Variants in PTPN13 observed in about 807,000 individuals in gnomAD.
PTPN13 encodes protein tyrosine phosphatase non-receptor type 13.
Under a neutral mutation model 284.0 loss-of-function variants are expected in PTPN13, and 191 were observed. That is an observed-to-expected ratio of 0.67 (90% CI 0.60 to 0.76). The LOEUF (loss-of-function observed/expected upper bound fraction) is 0.76, where lower values mean the gene tolerates loss of function less well. Ranked by LOEUF, PTPN13 falls within the 30% of genes least tolerant of loss-of-function variation. PTPN13 has a pLI of 0.00. For synonymous variants in PTPN13, 986 were observed against 1,022.3 expected (o/e 0.96, Z 0.68); for missense variants, 2,797 against 2,939.9 (o/e 0.95, Z 1.12).
intron 2 of PTPN13, among the ~76,000 whole-genome samples, chr4:86,652,590 C>T (rs1167024916): frequency 6.6e-6 from 1 of 152,176 alleles, no homozygotes; most frequent in Non-Finnish European, 1.5e-5. Context: ...TCCATTTCCT[C>T]CTGGCCTATG....
chr4:86,701,757 G>A lies in PTPN13; in HGVS notation c.1151G>A (p.Arg384Lys). ...AGTGCTTTGGACCGAATCCGAGAGA[G>A]ACAAAAGAAACTTCAGGTTCTGAGG... ...ISSALDRIRERQKKLQVLREA... is the reference protein window; with the variant it reads ...ISSALDRIREKQKKLQVLREA... The change falls in exon 7 of 48, where the codon AGA becomes AAA. Residue 384 changes from arginine (R) to lysine (K), a missense_variant. Coordinates refer to ENST00000411767, the MANE Select transcript of PTPN13 (RefSeq NM_080683.3). 1 of 1,613,366 alleles carries A rather than the reference G, an allele frequency of 6.2e-7. No homozygotes were observed. Among genetic ancestry groups the A allele is most frequent in the Admixed American group, 1.7e-5 (1 of 59,914 alleles).
At chr4:86,702,407 A>G (rs535787361) in intron 7 of PTPN13, among the ~76,000 whole-genome samples, 2 of 152,284 alleles carry the variant, frequency 1.3e-5, no homozygotes, top group Admixed American at 6.5e-5. Flanking sequence ...TAGTTCCTCC[A>G]TTAGTAACTA....
At chr4:86,673,241 C>T (rs952254751) in intron 3 of PTPN13, among the ~76,000 whole-genome samples, 1 of 152,004 alleles carries the variant, frequency 6.6e-6, no homozygotes, top group Non-Finnish European at 1.5e-5. Context: ...GAAATAAATG[C>T]TATGGAGAGT....
At chr4:86,667,611 T>C (rs1404190855) in intron 2 of PTPN13, among the ~76,000 whole-genome samples, 1 of 152,220 alleles carries the variant, frequency 6.6e-6, no homozygotes, top group African/African-American at 2.4e-5. Context: ...TTTAACAATG[T>C]ATGTATTGTT....
At chr4:86,670,195 C>CTCA (rs1054513562) in intron 2 of PTPN13, among the ~76,000 whole-genome samples, 2 of 136,322 alleles carry the variant, frequency 1.5e-5, no homozygotes, top group African/African-American at 5.6e-5. Context: ...TTTTGGTGAC[C>CTCA]TCATCAAGTC....
At chr4:86,650,879 A>T (rs985014987) in intron 2 of PTPN13, among the ~76,000 whole-genome samples, 12 of 152,060 alleles carry the variant, frequency 7.9e-5, no homozygotes, top group African/African-American at 2.9e-4. Flanking sequence ...GAATAATTTG[A>T]CTTCTTCTTT....
chr4:86,682,952 C>T (rs1449605364), intron 3 of PTPN13, among the ~76,000 whole-genome samples: 6 of 152,066 alleles, frequency 3.9e-5, no homozygotes, highest in Non-Finnish European at 5.9e-5. Context: ...ATCTGACATA[C>T]CTGGAGTTGT....
intron 25 of PTPN13, 158 bp downstream of exon 25, chr4:86,764,882 TTG>T (rs1256933974): frequency 5.7e-5 from 50 of 873,140 alleles, no homozygotes; most frequent in South Asian, 2.2e-4. Flanking sequence ...ATTTTAAAAA[TTG>T]TGTTAGTCAC....
intron 2 of PTPN13, among the ~76,000 whole-genome samples, chr4:86,651,274 A>C (rs1725044568): frequency 6.6e-6 from 1 of 152,226 alleles, no homozygotes; most frequent in African/African-American, 2.4e-5. Context: ...CCACTTGAAC[A>C]TAATGAATGA....
In PTPN13 at chr4:86,635,390, T is replaced by C. The variant is rs1383627008; in HGVS notation, c.115+19T>C. 7 of 1,570,714 alleles carry C rather than the reference T, an allele frequency of 4.5e-6. No homozygotes were observed. Among genetic ancestry groups the C allele is most frequent in the African/African-American group, 4.1e-5 (3 of 73,966 alleles). On this transcript the variant is annotated intron_variant, in intron 2 of 47. Transcript: ENST00000411767. Reference sequence around the variant, plus strand: ...AGAAAAGGTAAGCTGCTGCTGCTGCTGCTGTTGTTGTTGTTGTTTCAGTAT... The same window carrying C: ...AGAAAAGGTAAGCTGCTGCTGCTGCCGCTGTTGTTGTTGTTGTTTCAGTAT...
intron 42 of PTPN13, among the ~76,000 whole-genome samples, chr4:86,802,171 G>A (rs923579381): frequency 1.8e-4 from 27 of 151,962 alleles, no homozygotes; most frequent in Admixed American, 6.6e-4. Flanking sequence ...GTGTGTGTGT[G>A]TGTGTGTGGT....
In PTPN13 at chr4:86,784,480, A is replaced by G; in HGVS notation, c.6040A>G (p.Ile2014Val). ...TATGCTTTAGGTTGCTGGGGAAGAA[A>G]TAAATGAAATATCGTACCCCAAAGG... ...DSFSTVAGEE[I>V]NEISYPKGKC... Residue 2014 changes from isoleucine (I) to valine (V), a missense_variant, in exon 38 of 48, where the codon ATA becomes GTA. Ile to Val is a conservative substitution (Grantham distance 29, BLOSUM62 3). Coordinates refer to ENST00000411767, the MANE Select transcript of PTPN13 (RefSeq NM_080683.3). The G allele has an allele frequency of 6.2e-7, 1 of 1,604,604 alleles. No homozygotes were observed. Among genetic ancestry groups the G allele is most frequent in the South Asian group, 1.1e-5 (1 of 88,988 alleles).
Position 86,654,575 on chromosome 4 carries a change from T to C in PTPN13, c.116-17790T>C, listed in dbSNP as rs549000156. ...CGGTTTTGAGTGAGTTTCTTAATCC[T>C]GAGTTCTAGTTTGATTGCACTGTGG... On this transcript the variant is annotated intron_variant, in intron 2 of 47. Coordinates refer to ENST00000411767, the MANE Select transcript of PTPN13 (RefSeq NM_080683.3). Among the ~76,000 whole-genome samples, 48 of 152,372 alleles carry C rather than the reference T, an allele frequency of 3.2e-4. 1 individual carries two copies. The highest frequency in any genetic ancestry group is 1.1e-3 in the African/African-American group (46 of 41,592).
At position 86,799,164 on chromosome 4, in the gene PTPN13, G is replaced by C. The variant is rs760978411; in HGVS notation, c.6465G>C (p.Glu2155Asp). ...DDDEITWGNDELPIERTNHED... is the reference protein window; with the variant it reads ...DDDEITWGNDDLPIERTNHED... The stretch of plus-strand genomic sequence containing the variant: ...ATGAAATAACATGGGGAAATGATGA[G>C]TTGCCAATAGAGAGAACAAACCATG... The change falls in exon 42 of 48, where the codon GAG becomes GAC. Residue 2155 changes from glutamate to aspartate, a missense_variant. Glu to Asp is a conservative substitution (Grantham distance 45, BLOSUM62 2). Transcript: ENST00000411767. The C allele has an allele frequency of 5.7e-6, 9 of 1,591,372 alleles. No homozygotes were observed. Among genetic ancestry groups the C allele is most frequent in the Non-Finnish European group, 7.7e-6 (9 of 1,169,384 alleles).
chr4:86,730,555 A>G (rs989875628), intron 10 of PTPN13, among the ~76,000 whole-genome samples: 1 of 149,728 alleles, frequency 6.7e-6, no homozygotes, highest in African/African-American at 2.4e-5. Context: ...TCGGAAGTTG[A>G]TCTCAGATTG....
At position 86,770,623 on chromosome 4, in the gene PTPN13, C is replaced by G. The variant is rs114756339; in HGVS notation, c.4803+424C>G. 6.7e-3 allele frequency among the ~76,000 whole-genome samples: 1,021 copies of G among 152,256 alleles called. 10 individuals are homozygous for G. Among genetic ancestry groups the G allele is most frequent in the African/African-American group, 0.022 (924 of 41,534 alleles). ...ACCAGATAGGAAAAAGTGAATGAAA[C>G]TCTCTTGATGAGCGTATAAGTTGGT... On this transcript the variant is annotated intron_variant, in intron 30 of 47. Transcript: ENST00000411767.
chr4:86,764,377 T>C (rs2149253528), intron 24 of PTPN13, among the ~76,000 whole-genome samples: 1 of 152,286 alleles, frequency 6.6e-6, no homozygotes, highest in South Asian at 2.1e-4. Flanking sequence ...CTAAGATCTC[T>C]TCCAACCTTT....
In PTPN13 at chr4:86,809,855, T is replaced by C. The variant is rs140778130; in HGVS notation, c.7170T>C (p.Thr2390=). The C allele has an allele frequency of 7.5e-4, 1,210 of 1,614,030 alleles. 5 individuals carry two copies. The Middle Eastern group carries it at 0.013, about 18-fold the overall frequency. The part of the protein sequence containing the change: ...DTPSQPDDLL[T]FISYMRHIHR... ...CTTCTCAACCAGATGATCTGCTTACTTTTATCTCCTACATGAGACACATCC... is the reference window on the plus strand; with the variant it reads ...CTTCTCAACCAGATGATCTGCTTACCTTTATCTCCTACATGAGACACATCC... The change falls in exon 46 of 48, where the codon ACT becomes ACC. Residue 2390 remains threonine, a synonymous_variant. Transcript: ENST00000411767.
intron 41 of PTPN13, 41 bp from the exon 42 acceptor site, chr4:86,799,060 A>G: frequency 7.9e-7 from 1 of 1,267,446 alleles, no homozygotes; most frequent in Non-Finnish European, 1.1e-6. Context: ...ATTTGAGTAC[A>G]AAAATGAAGA....
Sources: gnomAD v4.1 joint callset for allele counts (sites outside exome capture counted in the v4.1 genomes callset) on GRCh38, gnomAD v4.1.1 for gene constraint, MANE v1.5 for transcripts, NCBI Gene and HGNC (gene_info 2026-07-23, HGNC 2026-07-21) for gene names.